RPN2: variants seen among roughly 807,000 people sequenced by gnomAD.
The protein encoded by RPN2 is dolichyl-diphosphooligosaccharide--protein glycosyltransferase subunit 2.
In RPN2, 29 loss-of-function variants were observed where a neutral mutation model predicts 71.4. The observed-to-expected ratio is 0.41, with a 90% CI of 0.30 to 0.55. The LOEUF is 0.55. RPN2 is among the 20% of genes least tolerant of loss of function. RPN2 has a pLI of 0.35. For missense variants in RPN2, 726 were observed against 774.1 expected, an observed-to-expected ratio of 0.94 and a Z score of 0.74; for synonymous variants, 308 against 305.0, an observed-to-expected ratio of 1.01 and a Z score of -0.10.
In RPN2 at chr20:37,198,365, C is replaced by T. The variant is rs1211230880; in HGVS notation, c.208-32C>T. The T allele has an allele frequency of 5.0e-6, 8 of 1,614,042 alleles. No homozygotes were observed. The Admixed American group carries it at 5.0e-5, about 10-fold the overall frequency. On this transcript the variant is annotated intron_variant, in intron 2 of 16. Transcript: ENST00000237530. Reference sequence around the variant, plus strand: ...TTTTCCTGGTTCACTACATGTGTCACCACTTAACATTGACTTTTCCCCACT... The same window carrying T: ...TTTTCCTGGTTCACTACATGTGTCATCACTTAACATTGACTTTTCCCCACT...
At chr20:37,233,925 C>A (rs764125896) in intron 14 of RPN2, 95 bp from the exon 15 acceptor site, 10 of 1,372,840 alleles carry the variant, frequency 7.3e-6, no homozygotes, top group Non-Finnish European at 1.0e-5. Context: ...ACTTTGAAGC[C>A]TTGGGGCTGT....
At chr20:37,184,127 G>T in intron 1 of RPN2, 53 bp from the exon 2 acceptor site, 1 of 1,601,576 alleles carries the variant, frequency 6.2e-7, no homozygotes, top group Non-Finnish European at 8.6e-7. Flanking sequence ...TTGGGACTGT[G>T]TATAGCACCT....
At chr20:37,208,699 G>A (rs2067580263) in intron 7 of RPN2, among the ~76,000 whole-genome samples, 1 of 152,186 alleles carries the variant, frequency 6.6e-6, no homozygotes, top group Non-Finnish European at 1.5e-5. Flanking sequence ...GTTGAACAGA[G>A]CACATGCACA....
At chr20:37,213,110 C>A (rs1045058095) in intron 8 of RPN2, among the ~76,000 whole-genome samples, 2 of 152,130 alleles carry the variant, frequency 1.3e-5, no homozygotes, top group South Asian at 2.1e-4. Context: ...CTATCGTACA[C>A]CAACCTCTTT....
chr20:37,211,203 T>G (rs1267713438), intron 8 of RPN2, among the ~76,000 whole-genome samples: 2 of 151,570 alleles, frequency 1.3e-5, no homozygotes, highest in Non-Finnish European at 2.9e-5. Context: ...CCTGGCTAAT[T>G]TTTGTATTTT....
intron 8 of RPN2, among the ~76,000 whole-genome samples, chr20:37,213,105 G>A (rs1215143887): frequency 3.9e-5 from 6 of 152,084 alleles, no homozygotes; most frequent in South Asian, 4.2e-4. Flanking sequence ...TTATACTATC[G>A]TACACCAACC....
intron 4 of RPN2, 32 bp from the exon 5 acceptor site, chr20:37,203,853 C>T: frequency 5.3e-6 from 8 of 1,499,896 alleles, no homozygotes; most frequent in Non-Finnish European, 6.5e-6. Context: ...CAAGACTTGC[C>T]ATTCATTGGG....
chr20:37,238,520 G>T (rs2068462970), intron 16 of RPN2: 2 of 1,076,520 alleles, frequency 1.9e-6, no homozygotes, highest in Non-Finnish European at 2.8e-6. Flanking sequence ...ATGCATGTCA[G>T]TTATCTCTCT....
intron 13 of RPN2, among the ~76,000 whole-genome samples, chr20:37,231,359 C>T (rs1348381885): frequency 1.3e-5 from 2 of 150,864 alleles, no homozygotes; most frequent in Admixed American, 6.6e-5. Context: ...TAGAATTGCT[C>T]AGGAAAAAAC....
intron 2 of RPN2, among the ~76,000 whole-genome samples, chr20:37,192,333 G>T (rs563182915): frequency 3.7e-4 from 57 of 152,340 alleles, no homozygotes; most frequent in South Asian, 1.0e-3. Context: ...GCCAGACATT[G>T]TGCTAAGTGC....
chr20:37,200,280 C>T (rs1308621912), intron 4 of RPN2, among the ~76,000 whole-genome samples: 1 of 152,166 alleles, frequency 6.6e-6, no homozygotes. Context: ...TGAGCCACAG[C>T]GCCCGGCTGC....
intron 4 of RPN2, 119 bp downstream of exon 4, chr20:37,199,344 T>C (rs2067328771): frequency 1.6e-6 from 2 of 1,274,972 alleles, no homozygotes; most frequent in South Asian, 2.6e-5. Flanking sequence ...AATACTTCCG[T>C]GTGCCAGGTG....
chr20:37,228,757 A>G lies in RPN2; in HGVS notation c.1494+13A>G, dbSNP rs771142211. ...CCTCTGGAATGTGGTATGTGCCTGA[A>G]TGTACCCCGACCCAGGTGAGAGTGG... is the stretch of plus-strand genomic sequence containing the variant. On this transcript the variant is annotated intron_variant, in intron 12 of 16. Coordinates refer to ENST00000237530, the MANE Select transcript of RPN2 (RefSeq NM_002951.5). 3.1e-5 allele frequency: 50 copies of G among 1,613,560 alleles called. No individual in the cohort carries two copies. In the South Asian group the frequency reaches 5.1e-4, roughly 16 times the overall value.
chr20:37,187,501 CAAAAAAAAA>C (rs532495023), intron 2 of RPN2, among the ~76,000 whole-genome samples: 1 of 8,742 alleles, frequency 1.1e-4, no homozygotes, highest in East Asian at 1.2e-3. Flanking sequence ...GACTCCGTCT[CAAAAAAAAA>C]AAAAAAAAAA....
intron 9 of RPN2, among the ~76,000 whole-genome samples, chr20:37,214,440 C>T (rs6104088): frequency 6.6e-6 from 1 of 152,136 alleles, no homozygotes; most frequent in African/African-American, 2.4e-5. Flanking sequence ...GGTAGTTCAC[C>T]TTAGTATTTT....
At chr20:37,228,492 A>T in intron 11 of RPN2, 58 bp from the exon 12 acceptor site, 1 of 1,514,078 alleles carries the variant, frequency 6.6e-7, no homozygotes, top group Non-Finnish European at 9.2e-7. Flanking sequence ...ATTCAATGTT[A>T]GGCCCAGGGA....
At chr20:37,216,939 C>CTT (rs66732250) in intron 9 of RPN2, among the ~76,000 whole-genome samples, 39 of 149,082 alleles carry the variant, frequency 2.6e-4, no homozygotes, top group Admixed American at 4.6e-4. Flanking sequence ...CTTTTTCTTT[C>CTT]TTTTTTTTTG....
intron 2 of RPN2, among the ~76,000 whole-genome samples, chr20:37,193,033 A>G (rs1461177514): frequency 6.6e-6 from 1 of 152,098 alleles, no homozygotes; most frequent in Non-Finnish European, 1.5e-5. Context: ...GAGGCTGAGG[A>G]TGGAGGATCG....
At chr20:37,210,229 C>A (rs574337841) in intron 8 of RPN2, 64 bp downstream of exon 8, 1 of 1,605,498 alleles carries the variant, frequency 6.2e-7, no homozygotes, top group East Asian at 2.2e-5. Context: ...AGCCTGCAGC[C>A]AGTGTAACAG....
Sources: gnomAD v4.1 joint callset for allele counts (sites outside exome capture counted in the v4.1 genomes callset) on GRCh38, gnomAD v4.1.1 for gene constraint, MANE v1.5 for transcripts, NCBI Gene and HGNC (gene_info 2026-07-23, HGNC 2026-07-21) for gene names.